The following CLIC6 variants were observed in gnomAD, a reference collection of about 807,000 sequenced individuals.
CLIC6 encodes chloride intracellular channel protein 6.
Under a neutral mutation model 49.2 loss-of-function variants are expected in CLIC6, and 39 were observed. That is an observed-to-expected ratio of 0.79 (90% CI 0.61 to 1.04). CLIC6 has a LOEUF of 1.04. Ranked by LOEUF, CLIC6 falls within the 50% of genes least tolerant of loss-of-function variation. The pLI, the probability that CLIC6 is intolerant of heterozygous loss-of-function variation, is 0.00. For synonymous variants in CLIC6, 446 were observed against 433.4 expected (o/e 1.03, Z -0.36); for missense variants, 988 against 993.1 (o/e 0.99, Z 0.07).
chr21:34,681,024 T>C (rs561627063), intron 1 of CLIC6, among the ~76,000 whole-genome samples: 1 of 152,330 alleles, frequency 6.6e-6, no homozygotes, highest in African/African-American at 2.4e-5. Flanking sequence ...CATCCCACTC[T>C]CTTCAGTACC....
At position 34,707,264 on chromosome 21, in the gene CLIC6, CCTT is replaced by C. The variant is rs758651883; in HGVS notation, c.1375-13_1375-11del. On this transcript the variant is annotated splice_polypyrimidine_tract_variant and intron_variant, in intron 1 of 5. Coordinates refer to ENST00000349499, the MANE Select transcript of CLIC6 (RefSeq NM_053277.3). ...GTGAGACTGGCTCAGATAGAAATCT[CCTT>C]CTCCACTTGTAGGCTGGTTATGATG... 1.5e-4 allele frequency: 245 copies of C among 1,588,012 alleles called. No homozygotes were observed. Among genetic ancestry groups the C allele is most frequent in the South Asian group, 1.9e-4 (17 of 90,538 alleles).
At chr21:34,681,282 A>G (rs1989776174) in intron 1 of CLIC6, among the ~76,000 whole-genome samples, 2 of 152,222 alleles carry the variant, frequency 1.3e-5, no homozygotes, top group Non-Finnish European at 2.9e-5. Flanking sequence ...ACTCACTATC[A>G]CAAGAACAGC....
chr21:34,715,589 T>G (rs1359307951), intron 5 of CLIC6, among the ~76,000 whole-genome samples: 4 of 152,198 alleles, frequency 2.6e-5, no homozygotes, highest in Non-Finnish European at 5.9e-5. Flanking sequence ...CATGTGTTAC[T>G]TTATTATGGC....
At chr21:34,691,983 G>T (rs1030958758) in intron 1 of CLIC6, among the ~76,000 whole-genome samples, 5 of 152,110 alleles carry the variant, frequency 3.3e-5, no homozygotes, top group African/African-American at 1.2e-4. Flanking sequence ...TATTCCAGGT[G>T]ACTTAATTTT....
intron 1 of CLIC6, chr21:34,706,006 A>G (rs1270843593): frequency 3.0e-6 from 2 of 676,570 alleles, no homozygotes; most frequent in East Asian, 5.5e-5. Context: ...CTATTTTAAC[A>G]TTCTTTTCTT....
chr21:34,699,701 G>A (rs1171424030), intron 1 of CLIC6, among the ~76,000 whole-genome samples: 1 of 152,138 alleles, frequency 6.6e-6, no homozygotes, highest in African/African-American at 2.4e-5. Flanking sequence ...CGTAATACTA[G>A]AGGTTCGTTG....
chr21:34,699,415 CT>C (rs10604054), intron 1 of CLIC6, among the ~76,000 whole-genome samples: 47,238 of 134,778 alleles, frequency 0.35, 7,829 homozygotes, highest in African/African-American at 0.37. Flanking sequence ...CCATACCTGG[CT>C]TTTTTTTTTT....
intron 4 of CLIC6, among the ~76,000 whole-genome samples, chr21:34,709,038 C>T (rs1313214115): frequency 6.6e-6 from 1 of 152,180 alleles, no homozygotes; most frequent in African/African-American, 2.4e-5. Context: ...TAGTCATCAC[C>T]CAGGTGTTCC....
intron 1 of CLIC6, among the ~76,000 whole-genome samples, chr21:34,692,927 G>T (rs1429614665): frequency 6.6e-6 from 1 of 152,184 alleles, no homozygotes; most frequent in Admixed American, 6.5e-5. Context: ...TTCTTGGTCT[G>T]CTCTGCCAGC....
In CLIC6 at chr21:34,670,779, T is replaced by G. The variant is rs997095595; in HGVS notation, c.1374+17T>G. Reference sequence around the variant, plus strand: ...TTCGTCAAGGTAAAGCTCGCTTCCCTCAATTCTTAGGACGACCCCCTTCCA... The same window carrying G: ...TTCGTCAAGGTAAAGCTCGCTTCCCGCAATTCTTAGGACGACCCCCTTCCA... On this transcript the variant is annotated intron_variant, in intron 1 of 5. Coordinates refer to ENST00000349499, the MANE Select transcript of CLIC6 (RefSeq NM_053277.3). 1.3e-6 allele frequency: 2 copies of G among 1,590,730 alleles called. No individual in the cohort carries two copies. Among genetic ancestry groups the G allele is most frequent in the Admixed American group, 1.7e-5 (1 of 58,810 alleles).
rs1266443545 is a variant in CLIC6, at chr21:34,681,242, T to G, written c.1374+10480T>G. On this transcript the variant is annotated intron_variant, in intron 1 of 5. Transcript: ENST00000349499. ...AGTGCTGAGTGAAGGCGGAAGCCAT[T>G]TATAAAGCCATCAGATCTCATAAGA... 2.6e-5 allele frequency among the ~76,000 whole-genome samples: 4 copies of G among 152,306 alleles called. No individual in the cohort carries two copies. The South Asian group carries it at 8.3e-4, about 32-fold the overall frequency.
intron 1 of CLIC6, among the ~76,000 whole-genome samples, chr21:34,692,677 T>G (rs1298660951): frequency 6.6e-6 from 1 of 152,258 alleles, no homozygotes; most frequent in African/African-American, 2.4e-5. Flanking sequence ...TCATTGAAAC[T>G]GACCTGAGTA....
At chr21:34,679,464 C>G (rs1329708443) in intron 1 of CLIC6, among the ~76,000 whole-genome samples, 1 of 152,146 alleles carries the variant, frequency 6.6e-6, no homozygotes, top group African/African-American at 2.4e-5. Flanking sequence ...AGGCCCCTCC[C>G]AAATCTCATG....
chr21:34,716,590 A>C lies in CLIC6; in HGVS notation c.*108A>C, dbSNP rs1199282642. 1 of 833,160 alleles carries C rather than the reference A, an allele frequency of 1.2e-6. No individual in the cohort carries two copies. The highest frequency in any genetic ancestry group is 3.0e-5 in the East Asian group (1 of 33,770). 51.6% of individuals were successfully genotyped at this position (833,160 alleles called of 1,614,324 possible). A position where few individuals can be genotyped will look rare whatever the true frequency, so the allele number is the denominator to read the frequency against. ...GTTCAATTCCTTCAATTTTTAAAAA[A>C]CTGGTCTCTGAGAGTTTTTTAAATC... On this transcript the variant is annotated 3_prime_UTR_variant, in exon 6 of 6. Transcript: ENST00000349499.
Position 34,669,926 on chromosome 21 carries a change from G to C in CLIC6, c.538G>C (p.Val180Leu). 2 of 1,313,836 alleles carry C rather than the reference G, an allele frequency of 1.5e-6. No individual in the cohort carries two copies. Among genetic ancestry groups the C allele is most frequent in the Non-Finnish European group, 1.9e-6 (2 of 1,030,946 alleles). 81.4% of individuals were successfully genotyped at this position (1,313,836 alleles called of 1,614,324 possible). The change falls in exon 1 of 6, where the codon GTA becomes CTA. Residue 180 changes from valine to leucine, a missense_variant. Physicochemically the swap from Val to Leu is conservative, Grantham distance 32. Transcript: ENST00000349499. ...IEAEGPAGDS[V>L]EAEGRVGDSV... ...AGCGGAGGGCCCGGCGGGCGACAGC[G>C]TAGAGGCGGAGGGCCGGGTGGGGGA...
At chr21:34,675,873 T>C (rs142058962) in intron 1 of CLIC6, among the ~76,000 whole-genome samples, 24 of 152,286 alleles carry the variant, frequency 1.6e-4, no homozygotes, top group African/African-American at 4.1e-4. Flanking sequence ...CCAGTGTCCC[T>C]TGTGAGAGAA....
chr21:34,697,942 T>G (rs1457710234), intron 1 of CLIC6, among the ~76,000 whole-genome samples: 1 of 152,220 alleles, frequency 6.6e-6, no homozygotes, highest in Non-Finnish European at 1.5e-5. Flanking sequence ...GAGCTCACTG[T>G]GATGAGGAAT....
At chr21:34,701,308 CAAAAAAAAA>C (rs763844976) in intron 1 of CLIC6, among the ~76,000 whole-genome samples, 12 of 49,570 alleles carry the variant, frequency 2.4e-4, no homozygotes, top group South Asian at 9.0e-4. Context: ...GGCTCCGTCT[CAAAAAAAAA>C]AAAAAAAAAA....
At chr21:34,696,950 G>A (rs539610853) in intron 1 of CLIC6, among the ~76,000 whole-genome samples, 20 of 152,214 alleles carry the variant, frequency 1.3e-4, no homozygotes, top group Admixed American at 1.0e-3. Context: ...CGCGGCACCC[G>A]TTCAGGTACA....
Sources: gnomAD v4.1 joint callset for allele counts (sites outside exome capture counted in the v4.1 genomes callset) on GRCh38, gnomAD v4.1.1 for gene constraint, MANE v1.5 for transcripts, NCBI Gene and HGNC (gene_info 2026-07-23, HGNC 2026-07-21) for gene names.